CLEC16A: variants seen among roughly 807,000 people sequenced by gnomAD.
CLEC16A encodes the protein protein CLEC16A.
In CLEC16A, 51 loss-of-function variants were observed where a neutral mutation model predicts 109.5. The ratio of observed to expected loss-of-function variants is 0.47; its 90% CI spans 0.37 to 0.59. The LOEUF (loss-of-function observed/expected upper bound fraction) is 0.59. Among genes scored for constraint, CLEC16A ranks in the 20% least tolerant of loss-of-function variants. The pLI is 0.00. For missense variants in CLEC16A, 1,339 were observed against 1,394.0 expected (o/e 0.96, Z 0.63); for synonymous variants, 673 against 564.2 (o/e 1.19, Z -2.73).
chr16:11,014,129 G>T (rs960664632), intron 11 of CLEC16A, among the ~76,000 whole-genome samples: 2 of 152,132 alleles, frequency 1.3e-5, no homozygotes, highest in Non-Finnish European at 2.9e-5. Flanking sequence ...ACTTGATTGT[G>T]TACTGAAGAA....
rs199537706 is a variant in CLEC16A at position 11,179,179 on chromosome 16, A to G, written c.*489A>G. The G allele has an allele frequency of 2.0e-4, 31 of 154,436 alleles. No homozygotes were observed. The highest frequency in any genetic ancestry group is 7.0e-4 in the African/African-American group (29 of 41,666). The allele number at this position is 154,436 out of a possible 1,614,324, so 9.6% of individuals were successfully genotyped here. On this transcript the variant is annotated 3_prime_UTR_variant, in exon 24 of 24. Coordinates refer to ENST00000409790, the MANE Select transcript of CLEC16A (RefSeq NM_015226.3). Reference sequence around the variant, plus strand: ...GTGAACATTTATTTTTAAAACTTCTATTTAAAAGAAGTCCAAAAACATCAA... The same window carrying G: ...GTGAACATTTATTTTTAAAACTTCTGTTTAAAAGAAGTCCAAAAACATCAA...
intron 19 of CLEC16A, among the ~76,000 whole-genome samples, chr16:11,081,558 TC>T: frequency 6.6e-6 from 1 of 152,212 alleles, no homozygotes; most frequent in South Asian, 2.1e-4. Context: ...TCCATGGCCA[TC>T]TGACCCTTCC....
At chr16:10,977,199 G>C (rs775240445) in intron 7 of CLEC16A, 26 bp from the exon 8 acceptor site, 2 of 1,607,450 alleles carry the variant, frequency 1.2e-6, no homozygotes, top group Non-Finnish European at 1.7e-6. Context: ...TGGCCTCCAG[G>C]CTGAGGTGGT....
chr16:10,996,825 C>G (rs1306966236), intron 10 of CLEC16A, among the ~76,000 whole-genome samples: 1 of 152,196 alleles, frequency 6.6e-6, no homozygotes, highest in Non-Finnish European at 1.5e-5. Flanking sequence ...GCTTCCTGCG[C>G]TTACCTGAGT....
chr16:11,144,291 G>A (rs1372780386), intron 22 of CLEC16A, among the ~76,000 whole-genome samples: 4 of 152,172 alleles, frequency 2.6e-5, no homozygotes, highest in African/African-American at 7.2e-5. Flanking sequence ...GCTGGACAGC[G>A]GCCTCAGTCT....
intron 22 of CLEC16A, among the ~76,000 whole-genome samples, chr16:11,127,916 C>T (rs1043957642): frequency 2.0e-5 from 3 of 152,186 alleles, no homozygotes; most frequent in Admixed American, 6.5e-5. Flanking sequence ...CTGATTGTGG[C>T]ACCGCCTGTT....
chr16:10,950,791 G>A (rs2041689807), intron 1 of CLEC16A, among the ~76,000 whole-genome samples: 1 of 152,206 alleles, frequency 6.6e-6, no homozygotes, highest in African/African-American at 2.4e-5. Context: ...CCACACCTGA[G>A]ACATTGTTAT....
intron 22 of CLEC16A, among the ~76,000 whole-genome samples, chr16:11,145,079 C>T (rs894751477): frequency 6.6e-6 from 1 of 152,162 alleles, no homozygotes; most frequent in African/African-American, 2.4e-5. Flanking sequence ...CACATGGGTC[C>T]TGCAGGCAGC....
intron 9 of CLEC16A, 104 bp downstream of exon 9, chr16:10,979,486 C>T (rs2043202551): frequency 2.0e-6 from 2 of 996,872 alleles, no homozygotes; most frequent in Non-Finnish European, 3.0e-6. Context: ...CTTCTCTGTC[C>T]CCCCCATGCT....
intron 13 of CLEC16A, among the ~76,000 whole-genome samples, chr16:11,036,708 C>G (rs549704812): frequency 1.3e-5 from 2 of 152,106 alleles, no homozygotes; most frequent in African/African-American, 4.8e-5. Flanking sequence ...TGCACTACAC[C>G]CAGCTAATTT....
intron 22 of CLEC16A, chr16:11,157,306 G>A (rs915857719): frequency 2.8e-5 from 29 of 1,053,248 alleles, no homozygotes; most frequent in African/African-American, 3.4e-5. Flanking sequence ...GAGGCCATAC[G>A]AACATCCCTT....
At chr16:10,968,409 A>G (rs1349495207) in intron 3 of CLEC16A, among the ~76,000 whole-genome samples, 1 of 152,200 alleles carries the variant, frequency 6.6e-6, no homozygotes, top group Non-Finnish European at 1.5e-5. Flanking sequence ...CTGCAGGGCC[A>G]GGCGCTGGGA....
At chr16:11,108,944 A>G (rs768029138) in intron 19 of CLEC16A, among the ~76,000 whole-genome samples, 53 of 151,832 alleles carry the variant, frequency 3.5e-4, no homozygotes, top group Non-Finnish European at 6.5e-4. Context: ...CCCCATCTCT[A>G]CTAAAAATAC....
intron 18 of CLEC16A, among the ~76,000 whole-genome samples, chr16:11,052,505 G>A (rs546199747): frequency 6.6e-5 from 10 of 152,272 alleles, no homozygotes; most frequent in Non-Finnish European, 1.2e-4. Context: ...GGAAGCCTGG[G>A]GGTGCAGAGG....
intron 11 of CLEC16A, among the ~76,000 whole-genome samples, chr16:11,015,839 C>T (rs1037377629): frequency 2.2e-4 from 33 of 152,226 alleles, no homozygotes; most frequent in African/African-American, 7.2e-4. Context: ...GTCAACCAAG[C>T]AGGGCAGAGC....
intron 23 of CLEC16A, among the ~76,000 whole-genome samples, chr16:11,170,735 C>T (rs1050382214): frequency 3.2e-4 from 48 of 152,186 alleles, no homozygotes; most frequent in African/African-American, 1.1e-3. Context: ...TAGGATAAGT[C>T]CCTACTGTGC....
intron 13 of CLEC16A, among the ~76,000 whole-genome samples, chr16:11,029,185 C>A (rs1207838356): frequency 1.3e-5 from 2 of 152,130 alleles, no homozygotes; most frequent in Non-Finnish European, 2.9e-5. Flanking sequence ...CAGTTTAGGG[C>A]TAACTTCGCC....
At chr16:10,989,692 C>G (rs1214019878) in intron 10 of CLEC16A, among the ~76,000 whole-genome samples, 2 of 152,140 alleles carry the variant, frequency 1.3e-5, no homozygotes, top group Admixed American at 6.5e-5. Flanking sequence ...AGGATGGTTT[C>G]CAGATGAATC....
At chr16:11,104,632 G>C (rs1054602362) in intron 19 of CLEC16A, among the ~76,000 whole-genome samples, 2 of 152,194 alleles carry the variant, frequency 1.3e-5, no homozygotes, top group Non-Finnish European at 2.9e-5. Context: ...GGAGGAAGGA[G>C]AGGTGGGCCC....
Sources: allele counts gnomAD v4.1 joint callset (sites outside exome capture counted in the v4.1 genomes callset), GRCh38; gene constraint gnomAD v4.1.1; transcripts MANE v1.5; gene names NCBI Gene and HGNC (gene_info 2026-07-23, HGNC 2026-07-21).